The following EYA1 variants were observed in gnomAD, a reference collection of about 807,000 sequenced individuals.
The protein encoded by EYA1 is EYA transcriptional coactivator and phosphatase 1.
Under a neutral mutation model 82.0 loss-of-function variants are expected in EYA1, and 16 were observed. The observed-to-expected ratio is 0.20, with a 90% CI of 0.13 to 0.30. EYA1 has a LOEUF of 0.30. EYA1 is among the 10% of genes least tolerant of loss of function. The probability of loss-of-function intolerance (pLI) is 1.00; values close to 1 mark genes in which losing one functional copy is unlikely to be tolerated. For synonymous variants in EYA1, 261 were observed against 264.4 expected, an observed-to-expected ratio of 0.99 and a Z score of 0.12; for missense variants, 633 against 730.7, an observed-to-expected ratio of 0.87 and a Z score of 1.54.
chr8:71,245,904 TA>T (rs1813034387), intron 11 of EYA1, among the ~76,000 whole-genome samples: 1 of 152,162 alleles, frequency 6.6e-6, no homozygotes, highest in Non-Finnish European at 1.5e-5. Context: ...CCGTGGTTTC[TA>T]TCTAAAAATT....
chr8:71,361,089 G>C (rs1459420497), intron 1 of EYA1, among the ~76,000 whole-genome samples: 1 of 152,178 alleles, frequency 6.6e-6, no homozygotes, highest in Non-Finnish European at 1.5e-5. Flanking sequence ...CTGAAGATAA[G>C]TTTGTTTAAT....
At chr8:71,435,942 G>T (rs935233062) in intron 2 of EYA1, among the ~76,000 whole-genome samples, 6 of 152,152 alleles carry the variant, frequency 3.9e-5, no homozygotes, top group Admixed American at 2.6e-4. Flanking sequence ...AATTTTAAAG[G>T]ATTTAAATAT....
At chr8:71,519,666 CAA>C (rs71956106) in intron 2 of EYA1, among the ~76,000 whole-genome samples, 100 of 126,090 alleles carry the variant, frequency 7.9e-4, no homozygotes, top group East Asian at 2.2e-3. Flanking sequence ...TTGAAAATGG[CAA>C]AAAAAAAAAA....
chr8:71,425,193 G>A (rs1038148543), intron 2 of EYA1, among the ~76,000 whole-genome samples: 2 of 151,244 alleles, frequency 1.3e-5, no homozygotes, highest in Admixed American at 6.6e-5. Context: ...TGAGGCAGGA[G>A]AATGGTGTGA....
chr8:71,254,942 T>C (rs1205212200), intron 11 of EYA1, among the ~76,000 whole-genome samples: 1 of 151,212 alleles, frequency 6.6e-6, no homozygotes, highest in Non-Finnish European at 1.5e-5. Context: ...TGTGTTTCTA[T>C]ACACTAACAA....
At chr8:71,245,419 C>T (rs1443762152) in intron 11 of EYA1, among the ~76,000 whole-genome samples, 3 of 151,714 alleles carry the variant, frequency 2.0e-5, no homozygotes, top group East Asian at 1.9e-4. Flanking sequence ...TTAGTAGAGA[C>T]GGAGTTTCAC....
intron 2 of EYA1, among the ~76,000 whole-genome samples, chr8:71,526,166 T>C (rs551783847): frequency 6.6e-6 from 1 of 151,670 alleles, no homozygotes; most frequent in East Asian, 1.9e-4. Flanking sequence ...TCTACAAAAA[T>C]ACCCAGTGAT....
intron 11 of EYA1, among the ~76,000 whole-genome samples, chr8:71,250,366 A>G (rs1400173657): frequency 2.0e-5 from 3 of 152,060 alleles, no homozygotes; most frequent in African/African-American, 7.2e-5. Flanking sequence ...GTACACTCAC[A>G]TCTCCATCCC....
chr8:71,545,371 A>T (rs1815467866), intron 1 of EYA1, among the ~76,000 whole-genome samples: 1 of 152,212 alleles, frequency 6.6e-6, no homozygotes, highest in Non-Finnish European at 1.5e-5. Context: ...TAGATCACGT[A>T]AGTCAATTTT....
chr8:71,234,175 T>C (rs1312166979), intron 12 of EYA1, among the ~76,000 whole-genome samples: 1 of 152,212 alleles, frequency 6.6e-6, no homozygotes, highest in African/African-American at 2.4e-5. Context: ...AGGACTTCTT[T>C]CCTGTAGTCA....
In EYA1 at chr8:71,235,705, T is replaced by C. The variant is rs117946996; in HGVS notation, c.1140+8898A>G. Among the ~76,000 whole-genome samples, 15 of 152,296 alleles carry C rather than the reference T, an allele frequency of 9.8e-5. No individual in the cohort carries two copies. In the East Asian group the frequency reaches 2.7e-3, roughly 27 times the overall value. On this transcript the variant is annotated intron_variant, in intron 12 of 17. Coordinates refer to ENST00000340726, the MANE Select transcript of EYA1 (RefSeq NM_000503.6). ...GCTGTATCCCCAGTAGTTAGAACTG[T>C]GCCTAGGTACTTAATGGTTATTCAA... is the stretch of plus-strand genomic sequence containing the variant.
intron 10 of EYA1, 108 bp downstream of exon 10, chr8:71,271,650 A>G: frequency 8.3e-7 from 1 of 1,210,292 alleles, no homozygotes; most frequent in South Asian, 1.2e-5. Context: ...AAGCAGTAAC[A>G]AAAGCATCTG....
At chr8:71,522,312 A>C (rs1456263472) in intron 2 of EYA1, among the ~76,000 whole-genome samples, 1 of 152,230 alleles carries the variant, frequency 6.6e-6, no homozygotes, top group Non-Finnish European at 1.5e-5. Context: ...AAAGGATTTT[A>C]GAAGTAATCC....
intron 2 of EYA1, among the ~76,000 whole-genome samples, chr8:71,400,161 A>C (rs1422893015): frequency 1.3e-5 from 2 of 152,240 alleles, no homozygotes; most frequent in Non-Finnish European, 2.9e-5. Context: ...TGAATTAAAG[A>C]CTTAAGTGTA....
At chr8:71,235,663 T>C (rs1292582696) in intron 12 of EYA1, among the ~76,000 whole-genome samples, 2 of 152,178 alleles carry the variant, frequency 1.3e-5, no homozygotes, top group Non-Finnish European at 2.9e-5. Flanking sequence ...AAGGAGAATG[T>C]CCTTAATAAA....
At chr8:71,307,302 C>T (rs572702537) in intron 7 of EYA1, among the ~76,000 whole-genome samples, 1 of 152,206 alleles carries the variant, frequency 6.6e-6, no homozygotes, top group African/African-American at 2.4e-5. Context: ...GAACACTTTG[C>T]TGGGATTTTT....
At chr8:71,212,630 G>C (rs1473764486) in intron 16 of EYA1, among the ~76,000 whole-genome samples, 1 of 152,214 alleles carries the variant, frequency 6.6e-6, no homozygotes, top group African/African-American at 2.4e-5. Context: ...TTTCACAATA[G>C]AGGTTAAGAA....
In EYA1 at chr8:71,396,885, T is replaced by G. The variant is rs187215528; in HGVS notation, c.34-40374A>C. ...GTTGATCTGTCTAATGTTGACAGTG[T>G]GGTGTCAAAGTCTCCCATTATTATT... is the stretch of plus-strand genomic sequence containing the variant. On this transcript the variant is annotated intron_variant, in intron 2 of 18. Coordinates refer to the EYA1 transcript ENST00000643681. 1.7e-3 allele frequency among the ~76,000 whole-genome samples: 255 copies of G among 152,216 alleles called. 1 individual carries two copies. Among genetic ancestry groups the G allele is most frequent in the Middle Eastern group, 3.4e-3 (1 of 294 alleles).
At chr8:71,206,100 C>A (rs1433017019) in intron 17 of EYA1, among the ~76,000 whole-genome samples, 1 of 152,142 alleles carries the variant, frequency 6.6e-6, no homozygotes, top group Non-Finnish European at 1.5e-5. Context: ...ATAGTTATAT[C>A]TAACTCCTGA....
Sources: allele counts gnomAD v4.1 joint callset (sites outside exome capture counted in the v4.1 genomes callset), GRCh38; gene constraint gnomAD v4.1.1; transcripts MANE v1.5; gene names NCBI Gene and HGNC (gene_info 2026-07-23, HGNC 2026-07-21).